The following CCNYL1 variants were observed in gnomAD, a reference collection of about 807,000 sequenced individuals.
The protein encoded by CCNYL1 is cyclin-Y-like protein 1.
Under a neutral mutation model 44.2 loss-of-function variants are expected in CCNYL1, and 16 were observed. The ratio of observed to expected loss-of-function variants is 0.36; its 90% CI spans 0.25 to 0.55. The LOEUF is 0.55. Ranked by LOEUF, CCNYL1 falls within the 20% of genes least tolerant of loss-of-function variation. CCNYL1 has a pLI of 0.85. For missense variants in CCNYL1, 348 were observed against 451.8 expected (o/e 0.77, Z 2.08); for synonymous variants, 159 against 163.2 (o/e 0.97, Z 0.20).
chr2:207,727,958 C>A (rs1298674415), intron 3 of CCNYL1, among the ~76,000 whole-genome samples: 1 of 151,500 alleles, frequency 6.6e-6, no homozygotes, highest in African/African-American at 2.4e-5. Flanking sequence ...TTCTTTCTCT[C>A]TCTCTCTTTT....
intron 1 of CCNYL1, among the ~76,000 whole-genome samples, chr2:207,717,108 C>CAA (rs1171959044): frequency 8.0e-5 from 5 of 62,136 alleles, no homozygotes; most frequent in African/African-American, 1.1e-4. Flanking sequence ...GACTCCATCT[C>CAA]AAAAAAAAAA....
chr2:207,716,876 G>A (rs1163950703), intron 1 of CCNYL1, among the ~76,000 whole-genome samples: 3 of 152,100 alleles, frequency 2.0e-5, no homozygotes, highest in Admixed American at 6.5e-5. Flanking sequence ...TTGGGAGGCC[G>A]AGGCGGGTGG....
Position 207,751,123 on chromosome 2 carries a change from A to C in CCNYL1, c.969+4A>C, listed in dbSNP as rs752589289. On this transcript the variant is annotated splice_donor_region_variant and intron_variant, in intron 9 of 9. Coordinates refer to ENST00000295414, the MANE Select transcript of CCNYL1 (RefSeq NM_001330218.2). ...AGAAAGAGCACAGAACCTAGAGGTAAGGCTATGAAGTCACTAAGTGAGGTT... is the reference window on the plus strand; with the variant it reads ...AGAAAGAGCACAGAACCTAGAGGTACGGCTATGAAGTCACTAAGTGAGGTT... 1.2e-6 allele frequency: 2 copies of C among 1,610,362 alleles called. No individual in the cohort carries two copies. The highest frequency in any genetic ancestry group is 8.5e-7 in the Non-Finnish European group (1 of 1,178,590).
In CCNYL1 at chr2:207,737,462, A is replaced by C; in HGVS notation, c.467+16A>C. 1 of 1,604,610 alleles carries C rather than the reference A, an allele frequency of 6.2e-7. No homozygotes were observed. On this transcript the variant is annotated intron_variant, in intron 5 of 9. Coordinates refer to ENST00000295414, the MANE Select transcript of CCNYL1 (RefSeq NM_001330218.2). ...TAAAGAACAGGTGAGCTCCTTTAAA[A>C]CCTGTCTTGTTATTCCAGCTAATTA...
At chr2:207,734,585 A>G (rs1231414396) in intron 4 of CCNYL1, among the ~76,000 whole-genome samples, 2 of 152,192 alleles carry the variant, frequency 1.3e-5, no homozygotes, top group Non-Finnish European at 2.9e-5. Flanking sequence ...AAAACCAACA[A>G]CAACAGCAAA....
At chr2:207,716,740 A>C (rs1401333327) in intron 1 of CCNYL1, among the ~76,000 whole-genome samples, 2 of 152,202 alleles carry the variant, frequency 1.3e-5, no homozygotes, top group Non-Finnish European at 2.9e-5. Context: ...TTGATGACTG[A>C]TGCCTTGTAC....
intron 3 of CCNYL1, among the ~76,000 whole-genome samples, chr2:207,730,345 G>T (rs1401779180): frequency 1.3e-5 from 2 of 152,104 alleles, no homozygotes; most frequent in African/African-American, 4.8e-5. Flanking sequence ...AGTCTGCCTT[G>T]GGTTCTGTAA....
intron 5 of CCNYL1, among the ~76,000 whole-genome samples, chr2:207,737,855 A>G (rs2091777340): frequency 6.6e-6 from 1 of 152,224 alleles, no homozygotes; most frequent in South Asian, 2.1e-4. Flanking sequence ...ACTGAGAATC[A>G]TATTGTTAAC....
intron 4 of CCNYL1, among the ~76,000 whole-genome samples, chr2:207,735,824 A>G (rs1272723990): frequency 6.6e-6 from 1 of 152,034 alleles, no homozygotes; most frequent in African/African-American, 2.4e-5. Flanking sequence ...AGATTGTGCC[A>G]TTTTACTCCA....
In CCNYL1 at chr2:207,711,866, A is replaced by C; in HGVS notation, c.-31A>C. The C allele has an allele frequency of 2.2e-6, 3 of 1,341,272 alleles. No homozygotes were observed. The highest frequency in any genetic ancestry group is 2.9e-6 in the Non-Finnish European group (3 of 1,036,368). The allele number at this position is 1,341,272 out of a possible 1,614,324, so 83.1% of individuals were successfully genotyped here. On this transcript the variant is annotated 5_prime_UTR_variant, in exon 1 of 10. Transcript: ENST00000295414. ...GGGCGGCGGAGTAGGGGGCGAGCGA[A>C]GGCGGTGGCAGAGAGGAGCGGAGGC...
At chr2:207,736,670 A>C (rs2091766613) in intron 4 of CCNYL1, among the ~76,000 whole-genome samples, 1 of 152,346 alleles carries the variant, frequency 6.6e-6, no homozygotes, top group Non-Finnish European at 1.5e-5. Context: ...TTTAAGGGGA[A>C]ATAATGAAAG....
chr2:207,721,720 C>G (rs1166066287), intron 1 of CCNYL1, among the ~76,000 whole-genome samples: 1 of 150,678 alleles, frequency 6.6e-6, no homozygotes, highest in Non-Finnish European at 1.5e-5. Flanking sequence ...TTCAAACATT[C>G]TTAGGAGTTT....
chr2:207,746,534 G>A (rs983640666), intron 7 of CCNYL1, among the ~76,000 whole-genome samples: 1 of 152,172 alleles, frequency 6.6e-6, no homozygotes, highest in South Asian at 2.1e-4. Context: ...AAATGTATAT[G>A]GGCAGAATAG....
intron 1 of CCNYL1, among the ~76,000 whole-genome samples, chr2:207,715,082 A>T (rs1027058341): frequency 1.3e-5 from 2 of 152,094 alleles, no homozygotes; most frequent in African/African-American, 2.4e-5. Context: ...AGCCTGGCCA[A>T]CATGGTGAAA....
intron 7 of CCNYL1, 32 bp from the exon 8 acceptor site, chr2:207,747,015 C>T: frequency 6.9e-7 from 1 of 1,455,002 alleles, no homozygotes; most frequent in Non-Finnish European, 9.5e-7. Context: ...TTAAACTGAA[C>T]TAAAATCAAA....
intron 1 of CCNYL1, among the ~76,000 whole-genome samples, chr2:207,713,662 A>G (rs2091570886): frequency 6.6e-6 from 1 of 152,218 alleles, no homozygotes; most frequent in Admixed American, 6.5e-5. Flanking sequence ...CTATAGAAGA[A>G]ATGTGTTAGA....
At chr2:207,735,940 T>G (rs2091761819) in intron 4 of CCNYL1, among the ~76,000 whole-genome samples, 1 of 152,038 alleles carries the variant, frequency 6.6e-6, no homozygotes, top group South Asian at 2.1e-4. Flanking sequence ...CCGATGCCAA[T>G]TAAATCAGAA....
At chr2:207,738,959 A>G (rs1375704986) in intron 5 of CCNYL1, among the ~76,000 whole-genome samples, 3 of 151,696 alleles carry the variant, frequency 2.0e-5, no homozygotes, top group Non-Finnish European at 4.4e-5. Context: ...AGCTCAAGCA[A>G]TCCGCACACC....
intron 7 of CCNYL1, among the ~76,000 whole-genome samples, chr2:207,746,453 G>A (rs2091855815): frequency 6.6e-6 from 1 of 152,188 alleles, no homozygotes; most frequent in Non-Finnish European, 1.5e-5. Context: ...TATGGGTGTG[G>A]AGGTGATAAG....
Sources: gnomAD v4.1 joint callset for allele counts (sites outside exome capture counted in the v4.1 genomes callset) on GRCh38, gnomAD v4.1.1 for gene constraint, MANE v1.5 for transcripts, NCBI Gene and HGNC (gene_info 2026-07-23, HGNC 2026-07-21) for gene names.